The following KCNAB2 variants were observed in gnomAD, a reference collection of about 807,000 sequenced individuals.
The protein encoded by KCNAB2 is voltage-gated potassium channel subunit beta-2.
KCNAB2 carries 29 observed loss-of-function variants against 63.6 expected under a neutral mutation model. That is an observed-to-expected ratio of 0.46 (90% confidence interval 0.34 to 0.62). The LOEUF (loss-of-function observed/expected upper bound fraction) is 0.62. Among genes scored for constraint, KCNAB2 ranks in the 20% least tolerant of loss-of-function variants. The pLI is 0.01. For synonymous variants in KCNAB2, 222 were observed against 224.2 expected (o/e 0.99, Z 0.09); for missense variants, 359 against 563.9 (o/e 0.64, Z 3.68).
upstream of KCNAB2, among the ~76,000 whole-genome samples, chr1:6,031,985 C>G (rs2100396682): frequency 6.6e-6 from 1 of 152,270 alleles, no homozygotes; most frequent in Admixed American, 6.5e-5. The surrounding 1 kb of genome is among the most constrained non-coding windows in gnomAD (Gnocchi z 4.1). Context: ...GAGCCAGAGT[C>G]CCATAAAGGG....
intron 4 of KCNAB2, among the ~76,000 whole-genome samples, chr1:6,081,888 G>C (rs1437808100): frequency 6.6e-6 from 1 of 152,256 alleles, no homozygotes; most frequent in African/African-American, 2.4e-5. Flanking sequence ...GTTCGACCCA[G>C]TACAGGTGCT....
At chr1:6,080,387 G>A (rs996480788) in intron 4 of KCNAB2, among the ~76,000 whole-genome samples, 2 of 152,254 alleles carry the variant, frequency 1.3e-5, no homozygotes, top group East Asian at 1.9e-4. Context: ...GGAGGAGGCT[G>A]GGGGGGCAGC....
At chr1:6,082,115 C>T (rs554383178) in intron 4 of KCNAB2, 80 bp from the exon 5 acceptor site, 3 of 1,295,422 alleles carry the variant, frequency 2.3e-6, no homozygotes, top group Non-Finnish European at 3.4e-6. Flanking sequence ...GGGGAGGCCT[C>T]CCAGGCCGAG....
chr1:5,997,928 C>T (rs1297632192), intron 1 of KCNAB2, among the ~76,000 whole-genome samples: 1 of 152,260 alleles, frequency 6.6e-6, no homozygotes, highest in Non-Finnish European at 1.5e-5. Flanking sequence ...ATGAGCAAGA[C>T]CCACCTCCCT....
intron 1 of KCNAB2, among the ~76,000 whole-genome samples, chr1:6,002,671 T>C (rs1657322854): frequency 6.6e-6 from 1 of 152,120 alleles, no homozygotes; most frequent in South Asian, 2.1e-4. Context: ...CATCAGGTGT[T>C]CCCAGGTGGC....
chr1:6,049,742 A>G (rs1661233082), intron 1 of KCNAB2, among the ~76,000 whole-genome samples: 1 of 152,162 alleles, frequency 6.6e-6, no homozygotes, highest in Admixed American at 6.5e-5. Context: ...CCCTACCTCA[A>G]TTGCATGTTC....
chr1:6,015,489 C>T (rs966269379), intron 1 of KCNAB2, among the ~76,000 whole-genome samples: 1 of 152,178 alleles, frequency 6.6e-6, no homozygotes, highest in African/African-American at 2.4e-5. Context: ...TAATCGTAAT[C>T]GAGATGGACT....
In KCNAB2 at chr1:6,011,176, TGAG is replaced by T. The variant is rs574177287; in HGVS notation, c.-53+18391_-53+18393del. On this transcript the variant is annotated intron_variant, in intron 1 of 16. Coordinates refer to the KCNAB2 transcript ENST00000341524. ...CATTGCTCTGAGGGAGCAGCAGGAG[TGAG>T]GACAGGAGCTGCCACGTGCACAGGA... Among the ~76,000 whole-genome samples the T allele has an allele frequency of 1.2e-3, 176 of 151,854 alleles. 1 individual carries two copies. Among genetic ancestry groups the T allele is most frequent in the African/African-American group, 4.1e-3 (169 of 41,392 alleles).
intron 1 of KCNAB2, among the ~76,000 whole-genome samples, chr1:6,023,347 C>T (rs1310040941): frequency 2.0e-5 from 3 of 152,160 alleles, no homozygotes; most frequent in African/African-American, 7.2e-5. Context: ...TATAGTAATT[C>T]GACTTTTAGT....
intron 3 of KCNAB2, 116 bp downstream of exon 3, chr1:6,072,914 G>C: frequency 3.4e-6 from 3 of 895,310 alleles, no homozygotes; most frequent in Non-Finnish European, 5.2e-6. Flanking sequence ...GCACTCCCCA[G>C]GGAGTAGCTG....
rs533888922 is a variant in KCNAB2, at chr1:6,075,506, G to A, written c.300+1736G>A. Reference sequence around the variant, plus strand: ...GATGGCAGTGTCAGGGTTCTGAATGGTTGTGGCAGGTGAAAATGGCTTAGC... The same window carrying A: ...GATGGCAGTGTCAGGGTTCTGAATGATTGTGGCAGGTGAAAATGGCTTAGC... On this transcript the variant is annotated intron_variant, in intron 4 of 15. Coordinates refer to ENST00000378083, the MANE Select transcript of KCNAB2 (RefSeq NM_001199862.2). Among the ~76,000 whole-genome samples the A allele has an allele frequency of 4.6e-5, 7 of 152,370 alleles. No homozygotes were observed. The East Asian group carries it at 1.3e-3, about 29-fold the overall frequency.
chr1:6,023,388 G>C (rs570598733), intron 1 of KCNAB2, among the ~76,000 whole-genome samples: 13 of 151,946 alleles, frequency 8.6e-5, no homozygotes, highest in South Asian at 6.2e-4. Context: ...GTTTTCCATA[G>C]TGGCTGTACC....
In KCNAB2 at chr1:6,087,358, G is replaced by A; in HGVS notation, c.426-109G>A. The A allele has an allele frequency of 3.3e-6, 4 of 1,200,188 alleles. No homozygotes were observed. Among genetic ancestry groups the A allele is most frequent in the South Asian group, 2.4e-5 (2 of 82,042 alleles). The allele number at this position is 1,200,188 out of a possible 1,614,324, so 74.3% of individuals were successfully genotyped here. A position where few individuals can be genotyped will look rare whatever the true frequency, so the allele number is the denominator to read the frequency against. ...CCCATTTCATGCCCCAGGCTCCTGG[G>A]TGGGAGGGCTTTCAGGACCTCTGTG... On this transcript the variant is annotated intron_variant, in intron 6 of 15. Transcript: ENST00000378083. This position sits in a 1 kb window ranked among gnomAD's most constrained non-coding sequence, Gnocchi z 6.4.
At chr1:6,043,242 A>G (rs1167684629), upstream of KCNAB2, among the ~76,000 whole-genome samples, 1 of 152,092 alleles carries the variant, frequency 6.6e-6, no homozygotes, top group Non-Finnish European at 1.5e-5. Flanking sequence ...ATGAGCAGGC[A>G]GGAAAATCCC....
intron 2 of KCNAB2, among the ~76,000 whole-genome samples, chr1:6,060,208 C>T (rs1336264618): frequency 1.3e-5 from 2 of 152,248 alleles, no homozygotes; most frequent in African/African-American, 4.8e-5. Flanking sequence ...ATCCCACCTT[C>T]TCCCTGGAGC....
chr1:6,050,300 T>G (rs1337328766), intron 1 of KCNAB2, among the ~76,000 whole-genome samples: 2 of 152,208 alleles, frequency 1.3e-5, no homozygotes, highest in Non-Finnish European at 2.9e-5. Context: ...ACCTTCTCTC[T>G]CTGGTGATGA....
intron 1 of KCNAB2, among the ~76,000 whole-genome samples, chr1:6,004,912 T>A (rs1430162227): frequency 2.3e-5 from 3 of 128,542 alleles, no homozygotes; most frequent in African/African-American, 5.8e-5. Flanking sequence ...AGGGATTGCA[T>A]ACAAGTGTTG....
Position 6,100,230 on chromosome 1 carries a change from G to A in KCNAB2, c.*1656G>A, listed in dbSNP as rs2100813002. 5 of 788,820 alleles carry A rather than the reference G, an allele frequency of 6.3e-6. No individual in the cohort carries two copies. The highest frequency in any genetic ancestry group is 9.2e-6 in the Non-Finnish European group (5 of 543,460). 48.9% of individuals were successfully genotyped at this position (788,820 alleles called of 1,614,324 possible). On this transcript the variant is annotated 3_prime_UTR_variant, in exon 16 of 16. Coordinates refer to ENST00000378083, the MANE Select transcript of KCNAB2 (RefSeq NM_001199862.2). ...GGAGAGGCTGGGGCGAGGGGAGGAGGGGGATCAGCTTCTGCTATTACCGAC... is the reference window on the plus strand; with the variant it reads ...GGAGAGGCTGGGGCGAGGGGAGGAGAGGGATCAGCTTCTGCTATTACCGAC...
At chr1:6,085,784 C>T (rs1383600885) in intron 6 of KCNAB2, 1 of 961,076 alleles carries the variant, frequency 1.0e-6, no homozygotes, top group Non-Finnish European at 1.2e-6. Flanking sequence ...CTGTTCCCAT[C>T]TGTAAGAGGG....
Sources: gnomAD v4.1 joint callset for allele counts (sites outside exome capture counted in the v4.1 genomes callset) on GRCh38, gnomAD v4.1.1 for gene constraint, Gnocchi (gnomAD v3.1) non-coding constraint, MANE v1.5 for transcripts, NCBI Gene and HGNC (gene_info 2026-07-23, HGNC 2026-07-21) for gene names.